KCNC2: variants seen among roughly 807,000 people sequenced by gnomAD.
KCNC2 encodes potassium voltage-gated channel subfamily C member 2.
KCNC2 carries 21 observed loss-of-function variants against 44.5 expected under a neutral mutation model. The observed-to-expected ratio is 0.47, with a 90% CI of 0.33 to 0.68. KCNC2 has a LOEUF of 0.68. Among genes scored for constraint, KCNC2 ranks in the 30% least tolerant of loss-of-function variants. The probability of loss-of-function intolerance (pLI) is 0.01; values close to 1 mark genes in which losing one functional copy is unlikely to be tolerated. For synonymous variants in KCNC2, 391 were observed against 339.1 expected, an observed-to-expected ratio of 1.15 and a Z score of -1.68; for missense variants, 589 against 826.2, an observed-to-expected ratio of 0.71 and a Z score of 3.52.
chr12:75,164,158 C>T (rs1891298864), intron 2 of KCNC2, among the ~76,000 whole-genome samples: 1 of 151,636 alleles, frequency 6.6e-6, no homozygotes, highest in South Asian at 2.1e-4. Context: ...ATCCGAGCAT[C>T]ATTAGCCTCT....
At chr12:75,205,489 G>C (rs750889482) in intron 2 of KCNC2, among the ~76,000 whole-genome samples, 1 of 152,040 alleles carries the variant, frequency 6.6e-6, no homozygotes, top group Non-Finnish European at 1.5e-5. Context: ...TCAAGTCAAT[G>C]GTTTATCCTT....
intron 2 of KCNC2, among the ~76,000 whole-genome samples, chr12:75,188,384 A>G (rs1437917426): frequency 6.6e-6 from 1 of 152,238 alleles, no homozygotes; most frequent in Non-Finnish European, 1.5e-5. Flanking sequence ...GTGTTGTTGG[A>G]TTTAGCAAAT....
intron 2 of KCNC2, among the ~76,000 whole-genome samples, chr12:75,111,294 G>T (rs564545261): frequency 5.3e-5 from 8 of 151,858 alleles, no homozygotes; most frequent in Admixed American, 3.9e-4. Context: ...TAATATTTTT[G>T]ATTTCAGACA....
At chr12:75,109,674 C>T (rs1418350179) in intron 2 of KCNC2, among the ~76,000 whole-genome samples, 1 of 151,978 alleles carries the variant, frequency 6.6e-6, no homozygotes, top group Non-Finnish European at 1.5e-5. Context: ...TGAGTTTTTA[C>T]CCTCCCCTGC....
chr12:75,155,544 A>C (rs2137491755), intron 2 of KCNC2, among the ~76,000 whole-genome samples: 1 of 151,942 alleles, frequency 6.6e-6, no homozygotes. Context: ...TTGTGAATCA[A>C]GAGTAGGACA....
intron 2 of KCNC2, among the ~76,000 whole-genome samples, chr12:75,157,353 A>C (rs1890832623): frequency 6.6e-6 from 1 of 151,866 alleles, no homozygotes; most frequent in Admixed American, 6.6e-5. Flanking sequence ...GAAAAGGCTA[A>C]AAGAATCACA....
In KCNC2 at chr12:75,207,185, C is replaced by T. The variant is rs1340920197; in HGVS notation, c.687+112G>A. Reference sequence around the variant, plus strand: ...CTCTAACTGTATCGCTAGGAAATCCCGGGTCTCTTCTACCCCCCATGCCTG... The same window carrying T: ...CTCTAACTGTATCGCTAGGAAATCCTGGGTCTCTTCTACCCCCCATGCCTG... On this transcript the variant is annotated intron_variant, in intron 2 of 4. Coordinates refer to ENST00000549446, the MANE Select transcript of KCNC2 (RefSeq NM_139137.4). The surrounding 1 kb of genome is among the most constrained non-coding windows in gnomAD (Gnocchi z 4.1). 12 of 1,452,382 alleles carry T rather than the reference C, an allele frequency of 8.3e-6. No individual in the cohort carries two copies. Among genetic ancestry groups the T allele is most frequent in the South Asian group, 1.5e-5 (1 of 67,730 alleles). The allele number at this position is 1,452,382 out of a possible 1,614,324, so 90.0% of individuals were successfully genotyped here.
chr12:75,040,988 C>T lies in KCNC2; in HGVS notation c.*2117G>A. The T allele has an allele frequency of 2.6e-6, 2 of 768,196 alleles. No individual in the cohort carries two copies. Among genetic ancestry groups the T allele is most frequent in the Middle Eastern group, 2.3e-4 (1 of 4,288 alleles). The allele number at this position is 768,196 out of a possible 1,614,324, so 47.6% of individuals were successfully genotyped here. The stretch of plus-strand genomic sequence containing the variant: ...TCATGGACACTGGCCAGTCTACAAG[C>T]AGAGCACTCTCATGGGGAGCACCAG... On this transcript the variant is annotated 3_prime_UTR_variant, in exon 5 of 5. Transcript: ENST00000549446.
chr12:75,088,906 C>T (rs1033893591), intron 2 of KCNC2, among the ~76,000 whole-genome samples: 2 of 151,814 alleles, frequency 1.3e-5, no homozygotes, highest in African/African-American at 4.8e-5. Context: ...AATCCAAATG[C>T]ATCTTAAACA....
At chr12:75,066,421 T>C (rs976944343) in intron 2 of KCNC2, among the ~76,000 whole-genome samples, 1 of 152,210 alleles carries the variant, frequency 6.6e-6, no homozygotes, top group African/African-American at 2.4e-5. Context: ...GTTTCCTAGA[T>C]AATTTAAACC....
chr12:75,130,405 C>G (rs113942750), intron 2 of KCNC2, among the ~76,000 whole-genome samples: 7 of 152,088 alleles, frequency 4.6e-5, no homozygotes, highest in African/African-American at 1.7e-4. Flanking sequence ...TTCTATTTAT[C>G]TCTCTCATCC....
At chr12:75,098,148 A>G (rs1886087866) in intron 2 of KCNC2, among the ~76,000 whole-genome samples, 1 of 152,154 alleles carries the variant, frequency 6.6e-6, no homozygotes, top group Admixed American at 6.6e-5. Flanking sequence ...CGGCTAGATA[A>G]GAATAACTTA....
Position 75,042,443 on chromosome 12 carries a change from A to C in KCNC2, c.*662T>G. ...TTTTTGAAGAAAAGTAAATCAATCA[A>C]GAAATTAAACTATTTAAAACATATA... On this transcript the variant is annotated 3_prime_UTR_variant, in exon 5 of 5. Coordinates refer to ENST00000549446, the MANE Select transcript of KCNC2 (RefSeq NM_139137.4). 6.4e-7 allele frequency: 1 copy of C among 1,573,676 alleles called. No individual in the cohort carries two copies. Among genetic ancestry groups the C allele is most frequent in the African/African-American group, 1.4e-5 (1 of 72,790 alleles).
chr12:75,095,857 C>A (rs759794176), intron 2 of KCNC2, among the ~76,000 whole-genome samples: 3 of 151,708 alleles, frequency 2.0e-5, no homozygotes, highest in African/African-American at 4.8e-5. Flanking sequence ...ACTTTCATAC[C>A]ATAATTATAA....
rs1265540073 is a variant in KCNC2 at position 75,207,834 on chromosome 12, C to T, written c.150G>A (p.Ala50=). ...GCGGCGACGGCTGCAGCTTGTCGCCCGCCGTGGTCAAGCAGTCGCCTGGGG... is the reference window on the plus strand; with the variant it reads ...GCGGCGACGGCTGCAGCTTGTCGCCTGCCGTGGTCAAGCAGTCGCCTGGGG... ...SEPPGDCLTT[A]GDKLQPSPPP... Residue 50 remains alanine, a synonymous_variant, in exon 2 of 5, where the codon GCG becomes GCA. Transcript: ENST00000549446. This position sits in a 1 kb window ranked among gnomAD's most constrained non-coding sequence, Gnocchi z 4.1. 4 of 1,609,668 alleles carry T rather than the reference C, an allele frequency of 2.5e-6. No homozygotes were observed. The highest frequency in any genetic ancestry group is 1.7e-5 in the Admixed American group (1 of 59,842).
intron 4 of KCNC2, 153 bp from the exon 5 acceptor site, chr12:75,043,394 A>G: frequency 1.4e-6 from 2 of 1,397,802 alleles, no homozygotes; most frequent in Middle Eastern, 2.6e-4. Flanking sequence ...ATAACTCTAA[A>G]AAAATGAAGC....
chr12:75,099,926 G>A lies in KCNC2; in HGVS notation c.688-48609C>T, dbSNP rs148233739. Reference sequence around the variant, plus strand: ...ACTAGACAGGCCTTCATTTTTGCACGTAAAAATCAAACACTTGATTAGACT... The same window carrying A: ...ACTAGACAGGCCTTCATTTTTGCACATAAAAATCAAACACTTGATTAGACT... On this transcript the variant is annotated intron_variant, in intron 2 of 4. Transcript: ENST00000549446. Among the ~76,000 whole-genome samples the A allele has an allele frequency of 1.9e-3, 296 of 152,056 alleles. 2 individuals are homozygous for A. The highest frequency in any genetic ancestry group is 6.7e-3 in the African/African-American group (277 of 41,506).
intron 2 of KCNC2, among the ~76,000 whole-genome samples, chr12:75,151,925 T>A (rs1452167460): frequency 2.0e-5 from 3 of 146,452 alleles, no homozygotes; most frequent in Non-Finnish European, 3.0e-5. Flanking sequence ...ATATATATAA[T>A]ATATTATATA....
intron 2 of KCNC2, among the ~76,000 whole-genome samples, chr12:75,133,086 C>T (rs555828930): frequency 5.9e-5 from 9 of 151,980 alleles, no homozygotes; most frequent in African/African-American, 2.2e-4. Flanking sequence ...CTCTATTATA[C>T]CCTAGTTTTT....
Sources: allele counts gnomAD v4.1 joint callset (sites outside exome capture counted in the v4.1 genomes callset), GRCh38; gene constraint gnomAD v4.1.1; non-coding constraint Gnocchi (gnomAD v3.1); transcripts MANE v1.5; gene names NCBI Gene and HGNC (gene_info 2026-07-23, HGNC 2026-07-21).